ZNF398: variants seen among roughly 807,000 people sequenced by gnomAD.
The protein encoded by ZNF398 is zinc finger protein 398.
A neutral mutation model predicts 41.9 loss-of-function variants in ZNF398; 18 were observed. The ratio of observed to expected loss-of-function variants is 0.43; its 90% CI spans 0.30 to 0.64. ZNF398 has a LOEUF of 0.64. Ranked by LOEUF, ZNF398 falls within the 30% of genes least tolerant of loss-of-function variation. The pLI is 0.14. For missense variants in ZNF398, 669 were observed against 822.8 expected (o/e 0.81, Z 2.29); for synonymous variants, 260 against 308.8 (o/e 0.84, Z 1.66).
intron 2 of ZNF398, among the ~76,000 whole-genome samples, chr7:149,154,626 T>C (rs1794930654): frequency 6.6e-6 from 1 of 152,148 alleles, no homozygotes; most frequent in Non-Finnish European, 1.5e-5. Flanking sequence ...TCCTACCCAT[T>C]ACCCATGAGC....
chr7:149,129,913 G>C (rs1486418973), intron 2 of ZNF398, among the ~76,000 whole-genome samples: 1 of 151,834 alleles, frequency 6.6e-6, no homozygotes, highest in Non-Finnish European at 1.5e-5. Context: ...CGATTCTCCT[G>C]CCTCAGCCTC....
Position 149,154,144 on chromosome 7 carries a change from A to G in ZNF398, c.224A>G (p.Glu75Gly). ...LHLEGRTGTA[E>G]KKLASCEKTV... ...CTGGAAGGTCGGACAGGGACAGCAG[A>G]GAAGAAACTAGCCAGCTGTGAAAAG... The change falls in exon 2 of 6, where the codon GAG becomes GGG. Residue 75 changes from glutamate (E) to glycine (G), a missense_variant. This residue lies in a region of ZNF398 where 169 missense variants were observed against 239.5 expected (regional missense o/e 0.71). Coordinates refer to ENST00000475153, the MANE Select transcript of ZNF398 (RefSeq NM_170686.3). 2 of 1,614,174 alleles carry G rather than the reference A, an allele frequency of 1.2e-6. No individual in the cohort carries two copies. The highest frequency in any genetic ancestry group is 1.7e-6 in the Non-Finnish European group (2 of 1,180,026).
intron 2 of ZNF398, among the ~76,000 whole-genome samples, chr7:149,139,255 T>C (rs968479784): frequency 6.6e-6 from 1 of 151,642 alleles, no homozygotes; most frequent in Admixed American, 6.6e-5. Context: ...AGATGGGGTC[T>C]CACAATGTTG....
intron 2 of ZNF398, among the ~76,000 whole-genome samples, chr7:149,158,799 A>T (rs11772564): frequency 6.8e-6 from 1 of 148,120 alleles, no homozygotes; most frequent in Non-Finnish European, 1.5e-5. Context: ...ATGCCATTGC[A>T]CTCCAGCCTG....
chr7:149,140,711 T>C (rs1343373057), intron 2 of ZNF398, among the ~76,000 whole-genome samples: 1 of 152,012 alleles, frequency 6.6e-6, no homozygotes, highest in Non-Finnish European at 1.5e-5. Flanking sequence ...AAACGAATGT[T>C]TAACAATTTT....
At chr7:149,161,076 G>A (rs751377472) in intron 2 of ZNF398, among the ~76,000 whole-genome samples, 15 of 151,950 alleles carry the variant, frequency 9.9e-5, no homozygotes, top group Non-Finnish European at 1.8e-4. Flanking sequence ...CGCCCCTTTG[G>A]CACTGTGTCT....
rs1362425128 is a variant in ZNF398 at position 149,166,268 on chromosome 7, GTC to G, written c.536_537del (p.Leu179HisfsTer11). On this transcript the variant is annotated frameshift_variant, in exon 3 of 6. Transcript: ENST00000475153. LOFTEE classifies it high-confidence loss of function. ...YKNIMKGNYE[S>X]LISMDYAINQ... ...AGAATATCATGAAGGGCAACTACGAGTCTCTCATCTCCATGGGTGAGGCTGAG... is the reference window on the plus strand; with the variant it reads ...AGAATATCATGAAGGGCAACTACGAGTCTCATCTCCATGGGTGAGGCTGAG... 2.5e-6 allele frequency: 4 copies of G among 1,614,130 alleles called. No homozygotes were observed. Among genetic ancestry groups the G allele is most frequent in the Non-Finnish European group, 2.5e-6 (3 of 1,180,008 alleles).
intron 4 of ZNF398, among the ~76,000 whole-genome samples, chr7:149,173,214 C>T (rs929848641): frequency 1.4e-5 from 2 of 144,378 alleles, no homozygotes; most frequent in African/African-American, 2.6e-5. Flanking sequence ...AAGCAATTCT[C>T]TTGCCCCGGC....
chr7:149,163,882 G>T (rs946128190), intron 2 of ZNF398, among the ~76,000 whole-genome samples: 4 of 152,148 alleles, frequency 2.6e-5, no homozygotes, highest in African/African-American at 9.6e-5. Context: ...GGAGGCTGAG[G>T]TAGGTGAATC....
chr7:149,153,262 G>C (rs1299633311), intron 1 of ZNF398, among the ~76,000 whole-genome samples: 1 of 152,122 alleles, frequency 6.6e-6, no homozygotes, highest in African/African-American at 2.4e-5. Context: ...AGGATTGCTT[G>C]AGTGAGCCAG....
rs1795600461 is a variant in ZNF398, at chr7:149,181,898, G to C, written c.*2097G>C. On this transcript the variant is annotated 3_prime_UTR_variant, in exon 6 of 6. Coordinates refer to ENST00000475153, the MANE Select transcript of ZNF398 (RefSeq NM_170686.3). ...CAACCCACTAGGAACTTGAATGTGA[G>C]ATTCAGCTCTAGTTTGCACCTTGAT... The C allele has an allele frequency of 1.3e-5, 2 of 152,296 alleles. No homozygotes were observed. Among genetic ancestry groups the C allele is most frequent in the South Asian group, 4.1e-4 (2 of 4,826 alleles). 9.4% of individuals were successfully genotyped at this position (152,296 alleles called of 1,614,324 possible).
rs201807737 is a variant in ZNF398 at position 149,179,691 on chromosome 7, C to T, written c.1819C>T (p.Pro607Ser). 10 of 1,614,234 alleles carry T rather than the reference C, an allele frequency of 6.2e-6. No individual in the cohort carries two copies. The South Asian group carries it at 1.1e-4, about 18-fold the overall frequency. ...TGACCCATCAGGTCAGCCACCCAAC[C>T]CACCAGGTCCCCTCATAACTGGGCT... ...DSDPSGQPPN[P>S]PGPLITGLET... The change falls in exon 6 of 6, where the codon CCA becomes TCA. Residue 607 changes from proline (P) to serine (S), a missense_variant. This residue lies in a region of ZNF398 where 210 missense variants were observed against 290.4 expected (regional missense o/e 0.72). Coordinates refer to ENST00000475153, the MANE Select transcript of ZNF398 (RefSeq NM_170686.3). This position sits in a 1 kb window ranked among gnomAD's most constrained non-coding sequence, Gnocchi z 6.1.
intron 2 of ZNF398, among the ~76,000 whole-genome samples, chr7:149,138,717 G>A (rs940680661): frequency 2.0e-5 from 3 of 152,056 alleles, no homozygotes; most frequent in Admixed American, 6.6e-5. Flanking sequence ...AAAATGCTTC[G>A]AGTGATTGTC....
In ZNF398 at chr7:149,133,751, A is replaced by AT. The variant is rs754992194; in HGVS notation, c.-490+4819dup. ...TATATTTGTTTTTTGTGACCTTCAG[A>AT]TTTTTTTTTTTTGTTTTTTTGAGAC... On this transcript the variant is annotated intron_variant, in intron 2 of 6. Transcript: ENST00000426851. 3.6e-3 allele frequency among the ~76,000 whole-genome samples: 424 copies of AT among 117,126 alleles called. 2 individuals are homozygous for AT. The highest frequency in any genetic ancestry group is 9.9e-3 in the East Asian group (40 of 4,040). The allele number at this position is 117,126 out of a possible 152,430, so 76.8% of individuals were successfully genotyped here.
At chr7:149,146,716 G>C (rs950858942), upstream of ZNF398, among the ~76,000 whole-genome samples, 3 of 151,892 alleles carry the variant, frequency 2.0e-5, no homozygotes, top group African/African-American at 7.3e-5. Context: ...TGGGCATGGT[G>C]GTACATGCCT....
chr7:149,149,909 T>C (rs1234213603), intron 1 of ZNF398, among the ~76,000 whole-genome samples: 2 of 152,130 alleles, frequency 1.3e-5, no homozygotes, highest in South Asian at 4.1e-4. Context: ...ATAGCACATC[T>C]CAATTTAACC....
At chr7:149,139,866 G>A (rs909690542) in intron 2 of ZNF398, among the ~76,000 whole-genome samples, 12 of 152,026 alleles carry the variant, frequency 7.9e-5, no homozygotes, top group Middle Eastern at 6.8e-3. Flanking sequence ...TTAGCCGGGC[G>A]TGGTGGCGGG....
intron 2 of ZNF398, among the ~76,000 whole-genome samples, chr7:149,140,412 T>C (rs1826796675): frequency 6.6e-6 from 1 of 151,884 alleles, no homozygotes; most frequent in South Asian, 2.1e-4. Flanking sequence ...TGAGACAGAG[T>C]CTCGCTCTGT....
chr7:149,133,679 A>G (rs1389652208), intron 2 of ZNF398, among the ~76,000 whole-genome samples: 1 of 35,620 alleles, frequency 2.8e-5, no homozygotes, highest in Non-Finnish European at 5.8e-5. Context: ...ATATATATAT[A>G]CATATATATG....
Sources: allele counts gnomAD v4.1 joint callset (sites outside exome capture counted in the v4.1 genomes callset), GRCh38; gene constraint gnomAD v4.1.1; regional missense constraint gnomAD v4.1.1; non-coding constraint Gnocchi (gnomAD v3.1); transcripts MANE v1.5; gene names NCBI Gene and HGNC (gene_info 2026-07-23, HGNC 2026-07-21).